The following GALNT13 variants were observed in gnomAD, a reference collection of about 807,000 sequenced individuals.
GALNT13 encodes the protein polypeptide N-acetylgalactosaminyltransferase 13, also known as UDP-GalNAc:polypeptide N-acetylgalactosaminyltransferase 13.
GALNT13 carries 28 observed loss-of-function variants against 64.2 expected under a neutral mutation model. The ratio of observed to expected loss-of-function variants is 0.44; its 90% CI spans 0.32 to 0.60. The LOEUF (loss-of-function observed/expected upper bound fraction) is 0.60. Among genes scored for constraint, GALNT13 ranks in the 20% least tolerant of loss-of-function variants. The probability of loss-of-function intolerance (pLI) is 0.05; values close to 1 mark genes in which losing one functional copy is unlikely to be tolerated. For missense variants in GALNT13, 577 were observed against 669.8 expected (o/e 0.86, Z 1.53); for synonymous variants, 214 against 224.6 (o/e 0.95, Z 0.42).
At chr2:153,286,091 AC>A in the GALNT13 span, among the ~76,000 whole-genome samples, 9 of 152,220 alleles carry the variant, frequency 5.9e-5, no homozygotes, top group African/African-American at 2.2e-4. Context: ...CAGAACCTAT[AC>A]AAAAAAACAT....
intron 2 of GALNT13, among the ~76,000 whole-genome samples, chr2:153,938,515 C>A (rs193055934): frequency 6.6e-6 from 1 of 152,274 alleles, no homozygotes; most frequent in East Asian, 1.9e-4. Context: ...CACCTGTTTG[C>A]ATGTAGAAGT....
At chr2:153,653,192 G>A in the GALNT13 span, among the ~76,000 whole-genome samples, 7 of 151,412 alleles carry the variant, frequency 4.6e-5, no homozygotes, top group African/African-American at 1.2e-4. Flanking sequence ...GATAAAATAC[G>A]TTTGTTAGGG....
intron 1 of GALNT13, among the ~76,000 whole-genome samples, chr2:153,893,825 C>G (rs571606604): frequency 6.6e-6 from 1 of 152,006 alleles, no homozygotes; most frequent in East Asian, 1.9e-4. Context: ...GTACTTTGAA[C>G]GTGAAATTTT....
chr2:153,375,918 G>A, the GALNT13 span, among the ~76,000 whole-genome samples: 1 of 152,156 alleles, frequency 6.6e-6, no homozygotes, highest in Non-Finnish European at 1.5e-5. Flanking sequence ...AGGGCTTCAG[G>A]TTGCTTCCAC....
chr2:154,298,670 C>CAATGTATATATAA (rs1693179740), intron 8 of GALNT13, among the ~76,000 whole-genome samples: 3 of 5,810 alleles, frequency 5.2e-4, no homozygotes, highest in East Asian at 2.0e-3. Context: ...TTTATATATA[C>CAATGTATATATAA]ATTGTATATA....
chr2:153,706,855 T>C, the GALNT13 span, among the ~76,000 whole-genome samples: 1 of 152,196 alleles, frequency 6.6e-6, no homozygotes, highest in Admixed American at 6.5e-5. Flanking sequence ...TCTGAATTGG[T>C]TTCCTTAAAG....
chr2:153,644,822 C>G, the GALNT13 span, among the ~76,000 whole-genome samples: 5 of 152,056 alleles, frequency 3.3e-5, no homozygotes, highest in Non-Finnish European at 7.4e-5. Context: ...ATGATAGGAC[C>G]TATTTGTCAC....
intron 3 of GALNT13, among the ~76,000 whole-genome samples, chr2:153,978,837 G>C (rs1694252751): frequency 6.6e-6 from 1 of 152,126 alleles, no homozygotes; most frequent in Non-Finnish European, 1.5e-5. Flanking sequence ...TTGGGAGGCT[G>C]GGGTGGGAGG....
chr2:153,549,796 AT>A, the GALNT13 span, among the ~76,000 whole-genome samples: 1 of 98,326 alleles, frequency 1.0e-5, no homozygotes, highest in African/African-American at 6.6e-5. Context: ...ACTAGATGCC[AT>A]TTCTTAGTGG....
At chr2:154,412,621 G>T (rs1013010160) in intron 11 of GALNT13, among the ~76,000 whole-genome samples, 3 of 151,642 alleles carry the variant, frequency 2.0e-5, no homozygotes, top group East Asian at 3.9e-4. Context: ...TAGTTTAGGG[G>T]TTTTTTAAGG....
intron 8 of GALNT13, among the ~76,000 whole-genome samples, chr2:154,300,263 C>T (rs180872806): frequency 4.6e-5 from 7 of 151,944 alleles, no homozygotes; most frequent in East Asian, 3.9e-4. Flanking sequence ...TCACCACATC[C>T]GGCTGATTTT....
chr2:154,221,761 A>G (rs930263549), intron 4 of GALNT13, among the ~76,000 whole-genome samples: 10 of 152,234 alleles, frequency 6.6e-5, no homozygotes, highest in Admixed American at 1.3e-4. Flanking sequence ...AGAGCACAGC[A>G]ATTGACATTC....
the GALNT13 span, among the ~76,000 whole-genome samples, chr2:153,182,451 T>G: frequency 6.6e-6 from 1 of 152,240 alleles, no homozygotes. Context: ...TTTTTATTCT[T>G]TAACTTTTAA....
intron 4 of GALNT13, among the ~76,000 whole-genome samples, chr2:154,233,793 C>A (rs1278887131): frequency 6.6e-6 from 1 of 151,942 alleles, no homozygotes; most frequent in Non-Finnish European, 1.5e-5. Flanking sequence ...AGAAAGTGGT[C>A]GGGGACGGTC....
chr2:153,521,926 G>A, the GALNT13 span, among the ~76,000 whole-genome samples: 1 of 152,136 alleles, frequency 6.6e-6, no homozygotes, highest in South Asian at 2.1e-4. Flanking sequence ...GTGTACCACA[G>A]TTTGACCATT....
intron 12 of GALNT13, 60 bp downstream of exon 12, chr2:154,438,786 C>T (rs1701128910): frequency 6.8e-6 from 9 of 1,321,274 alleles, no homozygotes; most frequent in Non-Finnish European, 7.4e-6. Context: ...TATATTTCAA[C>T]ATTCAACATT....
chr2:153,288,755 T>C, the GALNT13 span, among the ~76,000 whole-genome samples: 2 of 152,216 alleles, frequency 1.3e-5, no homozygotes, highest in Non-Finnish European at 2.9e-5. Flanking sequence ...AAGTTTATCA[T>C]AGGTATGCAT....
chr2:153,722,934 A>G, the GALNT13 span, among the ~76,000 whole-genome samples: 1 of 151,724 alleles, frequency 6.6e-6, no homozygotes, highest in East Asian at 2.0e-4. Flanking sequence ...AAAAGAGGGA[A>G]TCCTCCCTAA....
chr2:154,005,839 A>G (rs1696212135), intron 3 of GALNT13, among the ~76,000 whole-genome samples: 1 of 152,182 alleles, frequency 6.6e-6, no homozygotes, highest in South Asian at 2.1e-4. Flanking sequence ...TTCTAAGTAT[A>G]ACAGTCAGAG....
Sources: gnomAD v4.1 joint callset for allele counts (sites outside exome capture counted in the v4.1 genomes callset) on GRCh38, gnomAD v4.1.1 for gene constraint, MANE v1.5 for transcripts, NCBI Gene and HGNC (gene_info 2026-07-23, HGNC 2026-07-21) for gene names.